Variants in FTO observed in about 807,000 individuals in gnomAD.
FTO encodes alpha-ketoglutarate-dependent dioxygenase FTO.
Under a neutral mutation model 63.9 loss-of-function variants are expected in FTO, and 47 were observed. That is an observed-to-expected ratio of 0.74 (90% CI 0.58 to 0.94). The LOEUF (loss-of-function observed/expected upper bound fraction) is 0.94. FTO is among the 40% of genes least tolerant of loss of function. The probability of loss-of-function intolerance (pLI) is 0.00; values close to 1 mark genes in which losing one functional copy is unlikely to be tolerated. For synonymous variants in FTO, 207 were observed against 224.4 expected, an observed-to-expected ratio of 0.92 and a Z score of 0.69; for missense variants, 562 against 618.1, an observed-to-expected ratio of 0.91 and a Z score of 0.96.
At chr16:53,727,817 G>A (rs2076185492) in intron 1 of FTO, among the ~76,000 whole-genome samples, 1 of 152,156 alleles carries the variant, frequency 6.6e-6, no homozygotes, top group Non-Finnish European at 1.5e-5. Context: ...ATACTAATAT[G>A]GTGAGGATGG....
At chr16:53,900,190 A>G (rs1213695168) in intron 7 of FTO, among the ~76,000 whole-genome samples, 1 of 152,102 alleles carries the variant, frequency 6.6e-6, no homozygotes, top group Non-Finnish European at 1.5e-5. Context: ...GATTCTCAGG[A>G]TCTGTCTTTT....
At chr16:53,872,728 GT>G (rs1255253602) in intron 4 of FTO, among the ~76,000 whole-genome samples, 4 of 152,162 alleles carry the variant, frequency 2.6e-5, no homozygotes, top group African/African-American at 9.7e-5. Flanking sequence ...ATTGTAGGTT[GT>G]TTTTGCTGAT....
intron 8 of FTO, among the ~76,000 whole-genome samples, chr16:53,936,738 A>G (rs1173942981): frequency 2.6e-5 from 4 of 152,234 alleles, no homozygotes; most frequent in Non-Finnish European, 5.9e-5. Flanking sequence ...AGATTAGATA[A>G]TAGAAATTTT....
intron 8 of FTO, among the ~76,000 whole-genome samples, chr16:53,956,507 C>T (rs1845460000): frequency 6.6e-6 from 1 of 152,008 alleles, no homozygotes; most frequent in Non-Finnish European, 1.5e-5. Context: ...TTCTTCCTTA[C>T]CTTGTAAGGT....
chr16:53,914,586 CA>C (rs11361486), intron 7 of FTO, among the ~76,000 whole-genome samples: 29,675 of 152,098 alleles, frequency 0.2, 4,123 homozygotes, highest in African/African-American at 0.39. Flanking sequence ...ATTGGGAAGG[CA>C]AAATGGCTTT....
chr16:54,010,922 T>A (rs2084319713), intron 8 of FTO, among the ~76,000 whole-genome samples: 1 of 152,214 alleles, frequency 6.6e-6, no homozygotes, highest in Non-Finnish European at 1.5e-5. Context: ...CAGCACTTCC[T>A]CTGGTATGTG....
At chr16:53,736,906 C>A (rs1443644417) in intron 1 of FTO, among the ~76,000 whole-genome samples, 1 of 152,146 alleles carries the variant, frequency 6.6e-6, no homozygotes, top group Non-Finnish European at 1.5e-5. Flanking sequence ...TCATTCCCCT[C>A]CCCCAGATTT....
intron 6 of FTO, among the ~76,000 whole-genome samples, chr16:53,881,369 A>G (rs1202820333): frequency 1.3e-5 from 2 of 152,132 alleles, no homozygotes; most frequent in East Asian, 3.9e-4. Flanking sequence ...CACTGTCTTC[A>G]TCTTCCAAGC....
chr16:53,808,775 A>G (rs1567314145), intron 1 of FTO, among the ~76,000 whole-genome samples: 2 of 152,246 alleles, frequency 1.3e-5, no homozygotes, highest in Admixed American at 6.5e-5. Flanking sequence ...GAGTGGGACT[A>G]TATCGGCCCA....
In FTO at chr16:53,901,573, C is replaced by G. The variant is rs143598011; in HGVS notation, c.1239+12622C>G. The stretch of plus-strand genomic sequence containing the variant: ...TCTTTCCCACACATACCTCTCCACT[C>G]CTTGGCTAACAGTCCCACATTAGTG... On this transcript the variant is annotated intron_variant, in intron 7 of 8. Transcript: ENST00000471389. Among the ~76,000 whole-genome samples, 367 of 152,286 alleles carry G rather than the reference C, an allele frequency of 2.4e-3. 2 individuals are homozygous for G. The highest frequency in any genetic ancestry group is 8.6e-3 in the African/African-American group (357 of 41,568).
At chr16:53,887,499 G>T (rs1294119763) in intron 6 of FTO, among the ~76,000 whole-genome samples, 1 of 152,122 alleles carries the variant, frequency 6.6e-6, no homozygotes, top group African/African-American at 2.4e-5. Flanking sequence ...CTGCCAAGGT[G>T]GCAAACAGTT....
intron 3 of FTO, among the ~76,000 whole-genome samples, chr16:53,831,702 G>T (rs1598772032): frequency 6.6e-6 from 1 of 152,322 alleles, no homozygotes; most frequent in Non-Finnish European, 1.5e-5. Flanking sequence ...TTAGGTAGGA[G>T]AGCCAGGCAA....
chr16:53,947,154 A>T (rs1157497651), intron 8 of FTO, among the ~76,000 whole-genome samples: 2 of 152,134 alleles, frequency 1.3e-5, no homozygotes, highest in African/African-American at 4.8e-5. Context: ...CTGTGAAGGA[A>T]TTATGGTGGG....
At chr16:53,739,468 C>G (rs1375124033) in intron 1 of FTO, among the ~76,000 whole-genome samples, 2 of 151,794 alleles carry the variant, frequency 1.3e-5, no homozygotes, top group African/African-American at 4.8e-5. Context: ...CCCGCCTTGG[C>G]CTCCCAAAGT....
chr16:53,892,563 C>A (rs569228648), intron 7 of FTO, among the ~76,000 whole-genome samples: 40 of 152,094 alleles, frequency 2.6e-4, no homozygotes, highest in Non-Finnish European at 4.4e-4. Context: ...TCATTTTAGA[C>A]AAATGATTCT....
At chr16:53,711,383 G>A (rs770004631) in intron 1 of FTO, 2 of 398,302 alleles carry the variant, frequency 5.0e-6, no homozygotes, top group South Asian at 1.3e-4. Context: ...ATTAAGTGTC[G>A]AGTAGTGTAC....
rs2086920294 is a variant in FTO, at chr16:54,112,897, C to T, written c.*982C>T. 1 of 152,118 alleles carries T rather than the reference C, an allele frequency of 6.6e-6. No individual in the cohort carries two copies. 9.4% of individuals were successfully genotyped at this position (152,118 alleles called of 1,614,324 possible). A position where few individuals can be genotyped will look rare whatever the true frequency, so the allele number is the denominator to read the frequency against. On this transcript the variant is annotated 3_prime_UTR_variant, in exon 9 of 9. Coordinates refer to ENST00000471389, the MANE Select transcript of FTO (RefSeq NM_001080432.3). Reference sequence around the variant, plus strand: ...TGAGGTTTGAAGAACCTCAGTGGCCCATCCTGATGACATTGGAGACTCAAA... The same window carrying T: ...TGAGGTTTGAAGAACCTCAGTGGCCTATCCTGATGACATTGGAGACTCAAA...
intron 8 of FTO, among the ~76,000 whole-genome samples, chr16:54,019,010 C>T (rs957581467): frequency 9.9e-5 from 15 of 152,156 alleles, no homozygotes; most frequent in African/African-American, 3.4e-4. Flanking sequence ...CCCAATGATG[C>T]GATTGGAGAC....
At chr16:53,896,316 G>GTT (rs75387322) in intron 7 of FTO, among the ~76,000 whole-genome samples, 359 of 142,048 alleles carry the variant, frequency 2.5e-3, no homozygotes, top group African/African-American at 8.7e-3. Flanking sequence ...TTCATCTAGG[G>GTT]TTTTTTTTTT....
Sources: gnomAD v4.1 joint callset for allele counts (sites outside exome capture counted in the v4.1 genomes callset) on GRCh38, gnomAD v4.1.1 for gene constraint, MANE v1.5 for transcripts, NCBI Gene and HGNC (gene_info 2026-07-23, HGNC 2026-07-21) for gene names.